ADAMTSL1: variants seen among roughly 807,000 people sequenced by gnomAD.
ADAMTSL1 encodes ADAMTS like 1.
ADAMTSL1 carries 126 observed loss-of-function variants against 201.8 expected under a neutral mutation model. The ratio of observed to expected loss-of-function variants is 0.62; its 90% CI spans 0.54 to 0.72. The LOEUF is 0.72. Ranked by LOEUF, ADAMTSL1 falls within the 30% of genes least tolerant of loss-of-function variation. ADAMTSL1 has a pLI of 0.00. For synonymous variants in ADAMTSL1, 1,121 were observed against 903.4 expected, an observed-to-expected ratio of 1.24 and a Z score of -4.32; for missense variants, 2,679 against 2,277.8, an observed-to-expected ratio of 1.18 and a Z score of -3.59.
At chr9:18,045,714 G>C (rs991433826) in intron 1 of ADAMTSL1, among the ~76,000 whole-genome samples, 1 of 151,412 alleles carries the variant, frequency 6.6e-6, no homozygotes, top group Non-Finnish European at 1.5e-5. Context: ...CATGGATCAG[G>C]CTATCTGGCT....
At chr9:18,006,943 G>C (rs1819852559) in intron 1 of ADAMTSL1, among the ~76,000 whole-genome samples, 1 of 152,012 alleles carries the variant, frequency 6.6e-6, no homozygotes, top group Non-Finnish European at 1.5e-5. Flanking sequence ...TGCTGGAACA[G>C]GGCATCATCT....
At chr9:18,192,556 A>C (rs1265449360) in intron 2 of ADAMTSL1, among the ~76,000 whole-genome samples, 1 of 152,162 alleles carries the variant, frequency 6.6e-6, no homozygotes, top group African/African-American at 2.4e-5. Context: ...AAAATTAATA[A>C]TATTTTGGAA....
At chr9:17,953,391 T>C (rs1303494678) in intron 1 of ADAMTSL1, among the ~76,000 whole-genome samples, 16 of 152,192 alleles carry the variant, frequency 1.1e-4, no homozygotes, top group Admixed American at 8.5e-4. Flanking sequence ...ATTAAAAAGA[T>C]TTAAGTTTCC....
At chr9:18,589,831 T>C (rs575859736) in intron 4 of ADAMTSL1, among the ~76,000 whole-genome samples, 4 of 152,336 alleles carry the variant, frequency 2.6e-5, no homozygotes, top group African/African-American at 9.6e-5. Context: ...AATGATCATA[T>C]CATTTTCATT....
chr9:18,574,890 A>G (rs182236818), intron 4 of ADAMTSL1, among the ~76,000 whole-genome samples: 14 of 152,296 alleles, frequency 9.2e-5, no homozygotes, highest in Admixed American at 7.2e-4. Flanking sequence ...AGTAAGGTGA[A>G]AAAGGGTTTG....
intron 2 of ADAMTSL1, among the ~76,000 whole-genome samples, chr9:18,506,058 C>A (rs947607554): frequency 6.6e-6 from 1 of 152,120 alleles, no homozygotes; most frequent in African/African-American, 2.4e-5. Context: ...CAACAAGATA[C>A]CAGATCAATT....
At chr9:18,628,635 T>C (rs1053963857) in intron 5 of ADAMTSL1, among the ~76,000 whole-genome samples, 1 of 152,192 alleles carries the variant, frequency 6.6e-6, no homozygotes. Flanking sequence ...GATTTTTTTG[T>C]GTTAATTCTA....
In ADAMTSL1 at chr9:18,908,712, C is replaced by T. The variant is rs1416443084; in HGVS notation, c.*164C>T. 1 of 589,878 alleles carries T rather than the reference C, an allele frequency of 1.7e-6. No individual in the cohort carries two copies. Among genetic ancestry groups the T allele is most frequent in the Non-Finnish European group, 3.0e-6 (1 of 334,938 alleles). The allele number at this position is 589,878 out of a possible 1,614,324, so 36.5% of individuals were successfully genotyped here. On this transcript the variant is annotated 3_prime_UTR_variant, in exon 29 of 29. Coordinates refer to ENST00000380548, the MANE Select transcript of ADAMTSL1 (RefSeq NM_001040272.6). ...CCTCCACCTTCAAGCATAAGGACGTCCGCGTGTTTTCTCTTTCAGTTAGCT... is the reference window on the plus strand; with the variant it reads ...CCTCCACCTTCAAGCATAAGGACGTTCGCGTGTTTTCTCTTTCAGTTAGCT...
Position 18,457,501 on chromosome 9 carries a change from T to C in ADAMTSL1, c.208-47328T>C, listed in dbSNP as rs372744049. Among the ~76,000 whole-genome samples the C allele has an allele frequency of 2.0e-5, 3 of 152,246 alleles. 1 individual carries two copies. Among genetic ancestry groups the C allele is most frequent in the African/African-American group, 7.2e-5 (3 of 41,552 alleles). On this transcript the variant is annotated intron_variant, in intron 2 of 29. Transcript: ENST00000680146. The stretch of plus-strand genomic sequence containing the variant: ...CAATGCATGCGCCACCATGCCTTTT[T>C]TTTCTTAGTTTTTGTAGAGACAGTA...
chr9:18,266,026 A>G (rs1490638040), intron 2 of ADAMTSL1, among the ~76,000 whole-genome samples: 2 of 152,090 alleles, frequency 1.3e-5, no homozygotes, highest in Admixed American at 6.5e-5. Context: ...TTAAAATTTA[A>G]AGTAAAAATA....
chr9:18,764,077 G>A (rs549334875), intron 16 of ADAMTSL1, among the ~76,000 whole-genome samples: 2 of 152,166 alleles, frequency 1.3e-5, no homozygotes, highest in South Asian at 2.1e-4. Flanking sequence ...TCTGTAGATT[G>A]CTTTGGGTAG....
At chr9:18,789,880 T>A (rs564550625) in intron 19 of ADAMTSL1, among the ~76,000 whole-genome samples, 28 of 152,248 alleles carry the variant, frequency 1.8e-4, no homozygotes, top group Admixed American at 7.9e-4. Context: ...GAAGCTACTG[T>A]TCTACAAAGA....
intron 13 of ADAMTSL1, among the ~76,000 whole-genome samples, chr9:18,695,481 A>T (rs140542408): frequency 1.5e-3 from 227 of 152,300 alleles, no homozygotes; most frequent in African/African-American, 5.3e-3. Flanking sequence ...TTGCTCATGC[A>T]TGTGATTATA....
At chr9:18,266,247 G>T (rs1832113332) in intron 2 of ADAMTSL1, among the ~76,000 whole-genome samples, 1 of 152,132 alleles carries the variant, frequency 6.6e-6, no homozygotes, top group Non-Finnish European at 1.5e-5. Flanking sequence ...TTTCACCTAG[G>T]TGAACTGTGG....
intron 1 of ADAMTSL1, among the ~76,000 whole-genome samples, chr9:17,936,894 A>C (rs770909358): frequency 1.8e-4 from 28 of 152,072 alleles, no homozygotes; most frequent in Non-Finnish European, 1.5e-5. Context: ...GATATTTTCC[A>C]TGTGGCTTTT....
At chr9:18,847,812 A>G (rs148636534) in intron 23 of ADAMTSL1, among the ~76,000 whole-genome samples, 1 of 152,374 alleles carries the variant, frequency 6.6e-6, no homozygotes, top group African/African-American at 2.4e-5. Flanking sequence ...AGAGAAGATC[A>G]GAGAGGCAAC....
At chr9:18,069,914 G>A (rs954712310) in intron 1 of ADAMTSL1, among the ~76,000 whole-genome samples, 19 of 152,306 alleles carry the variant, frequency 1.2e-4, no homozygotes, top group Admixed American at 1.2e-3. Context: ...TTTGGTGAGA[G>A]ATTGGATGTG....
At chr9:18,326,077 C>T (rs1440354370) in intron 2 of ADAMTSL1, among the ~76,000 whole-genome samples, 1 of 152,074 alleles carries the variant, frequency 6.6e-6, no homozygotes, top group Non-Finnish European at 1.5e-5. Flanking sequence ...AGGAAGCAGC[C>T]CTCATGGCCT....
At chr9:17,936,441 C>G (rs1322050697) in intron 1 of ADAMTSL1, among the ~76,000 whole-genome samples, 2 of 152,188 alleles carry the variant, frequency 1.3e-5, no homozygotes, top group Non-Finnish European at 2.9e-5. Flanking sequence ...TCCCCAGAAA[C>G]TCTGAGAGAA....
Sources: gnomAD v4.1 joint callset for allele counts (sites outside exome capture counted in the v4.1 genomes callset) on GRCh38, gnomAD v4.1.1 for gene constraint, MANE v1.5 for transcripts, NCBI Gene and HGNC (gene_info 2026-07-23, HGNC 2026-07-21) for gene names.